GYG1: variants seen among roughly 807,000 people sequenced by gnomAD.
The protein encoded by GYG1 is glycogenin-1.
Under a neutral mutation model 41.9 loss-of-function variants are expected in GYG1, and 44 were observed. That is an observed-to-expected ratio of 1.05 (90% CI 0.83 to 1.35). GYG1 has a LOEUF of 1.35. GYG1 is among the 40% of genes most tolerant of loss of function. The pLI, the probability that GYG1 is intolerant of heterozygous loss-of-function variation, is 0.00. For synonymous variants in GYG1, 141 were observed against 158.1 expected (o/e 0.89, Z 0.81); for missense variants, 429 against 418.9 (o/e 1.02, Z -0.21).
intron 5 of GYG1, among the ~76,000 whole-genome samples, chr3:149,017,215 C>T (rs942804931): frequency 6.6e-6 from 1 of 152,122 alleles, no homozygotes; most frequent in Non-Finnish European, 1.5e-5. Context: ...CTCACATAAG[C>T]AGTATTATTG....
chr3:149,019,891 CG>C (rs1001151566), intron 5 of GYG1, among the ~76,000 whole-genome samples: 91 of 152,338 alleles, frequency 6.0e-4, no homozygotes, highest in Admixed American at 1.2e-3. Flanking sequence ...AGTCGTGTGG[CG>C]GTCCAGAGCC....
At chr3:149,018,063 C>T (rs1392266849) in intron 5 of GYG1, among the ~76,000 whole-genome samples, 1 of 152,120 alleles carries the variant, frequency 6.6e-6, no homozygotes, top group Non-Finnish European at 1.5e-5. Context: ...GAAGTAGTTT[C>T]TCCTTTTACT....
intron 5 of GYG1, among the ~76,000 whole-genome samples, chr3:149,011,352 A>G (rs1470112824): frequency 2.0e-5 from 3 of 152,230 alleles, no homozygotes; most frequent in African/African-American, 7.2e-5. Context: ...GAATTTGTCT[A>G]TAATAGGACA....
At chr3:149,019,449 G>C (rs1234165764) in intron 5 of GYG1, among the ~76,000 whole-genome samples, 1 of 152,102 alleles carries the variant, frequency 6.6e-6, no homozygotes, top group Non-Finnish European at 1.5e-5. Context: ...TGTCTTGCTG[G>C]CACCCAAGGG....
chr3:148,997,308 A>G (rs1294470645), intron 4 of GYG1, among the ~76,000 whole-genome samples: 2 of 152,184 alleles, frequency 1.3e-5, no homozygotes, highest in African/African-American at 2.4e-5. Flanking sequence ...CATTGTCACT[A>G]TGGAAACTTG....
chr3:149,019,428 C>T lies in GYG1; in HGVS notation c.609-4625C>T, dbSNP rs143779384. Among the ~76,000 whole-genome samples the T allele has an allele frequency of 3.5e-3, 530 of 152,308 alleles. 2 individuals are homozygous for T. The highest frequency in any genetic ancestry group is 0.012 in the African/African-American group (513 of 41,568). ...CCTGCTCACCTCTCCCATCTCTCCC[C>T]ACTCACCCCCTGTCTTGCTGGCACC... On this transcript the variant is annotated intron_variant, in intron 5 of 7. Transcript: ENST00000345003.
Position 148,995,748 on chromosome 3 carries a change from T to C in GYG1, c.144-554T>C, listed in dbSNP as rs3772582. Among the ~76,000 whole-genome samples, 66 of 152,362 alleles carry C rather than the reference T, an allele frequency of 4.3e-4. No homozygotes were observed. The East Asian group carries it at 0.012, about 28-fold the overall frequency. On this transcript the variant is annotated intron_variant, in intron 2 of 7. Coordinates refer to ENST00000345003, the MANE Select transcript of GYG1 (RefSeq NM_004130.4). ...ATAAACTTTCAGTATGATACGTTTT[T>C]ACCCGTGCTCAGTTTAGTGTCTTAC...
At chr3:149,011,799 G>A (rs1367626470) in intron 5 of GYG1, among the ~76,000 whole-genome samples, 5 of 152,082 alleles carry the variant, frequency 3.3e-5, no homozygotes, top group South Asian at 2.1e-4. Flanking sequence ...GAAATCCCCC[G>A]GGTTTATTGT....
rs567555713 is a variant in GYG1 at position 149,026,851 on chromosome 3, G to T, written c.971G>T (p.Arg324Leu). The T allele has an allele frequency of 1.9e-6, 3 of 1,613,974 alleles. No individual in the cohort carries two copies. Among genetic ancestry groups the T allele is most frequent in the Admixed American group, 1.7e-5 (1 of 60,016 alleles). ...GTATCCTCGGAAGAACGGAAGGAAC[G>T]ATGGGAACAGGGCCAGGCTGATTAT... ...PFVSSEERKE[R>L]WEQGQADYMG... The change falls in exon 8 of 8, where the codon CGA (arginine) becomes CTA (leucine). Residue 324 changes from arginine to leucine, a missense_variant. Physicochemically the swap from Arg to Leu is moderately radical, Grantham distance 102. Transcript: ENST00000345003.
At chr3:148,995,182 C>G (rs1712715495) in intron 2 of GYG1, among the ~76,000 whole-genome samples, 1 of 152,168 alleles carries the variant, frequency 6.6e-6, no homozygotes, top group Admixed American at 6.5e-5. Flanking sequence ...TGCACTCCAG[C>G]CAGGGCAACA....
At chr3:149,016,260 CAAAAAAAA>C (rs369746026) in intron 5 of GYG1, among the ~76,000 whole-genome samples, 2 of 70,060 alleles carry the variant, frequency 2.9e-5, no homozygotes, top group Non-Finnish European at 5.5e-5. Context: ...GACTCCGTCT[CAAAAAAAA>C]AAAAAAAACA....
chr3:149,009,387 T>G lies in GYG1; in HGVS notation c.593T>G (p.Leu198Arg). 2 of 1,612,626 alleles carry G rather than the reference T, an allele frequency of 1.2e-6. No homozygotes were observed. ...NLSSISIYSY[L>R]PAFKVFGASA... is the part of the protein sequence containing the mutation. ...AGCAGCATCTCTATATACTCCTACC[T>G]CCCGGCATTTAAAGTGTAAGTGCAG... is the stretch of plus-strand genomic sequence containing the variant. The change falls in exon 5 of 8, where the codon CTC becomes CGC. Residue 198 changes from leucine (L) to arginine (R), a missense_variant. Leu to Arg is a moderately radical substitution (Grantham distance 102). Coordinates refer to ENST00000345003, the MANE Select transcript of GYG1 (RefSeq NM_004130.4).
In GYG1 at chr3:149,031,070, CT is replaced by C. The variant is rs1410008421; in HGVS notation, c.*4138del. 6.6e-6 allele frequency: 1 copy of C among 152,024 alleles called. No individual in the cohort carries two copies. Among genetic ancestry groups the C allele is most frequent in the Non-Finnish European group, 1.5e-5 (1 of 68,010 alleles). The allele number at this position is 152,024 out of a possible 1,614,324, so 9.4% of individuals were successfully genotyped here. On this transcript the variant is annotated 3_prime_UTR_variant, in exon 8 of 8. Coordinates refer to ENST00000345003, the MANE Select transcript of GYG1 (RefSeq NM_004130.4). Reference sequence around the variant, plus strand: ...AAATAAAACCACCTACCTAATCTGACTGCTAAATTTCTAGCTTCTTTGTTTT... The same window carrying C: ...AAATAAAACCACCTACCTAATCTGACGCTAAATTTCTAGCTTCTTTGTTTT...
chr3:149,002,329 A>G (rs1359498761), intron 4 of GYG1, among the ~76,000 whole-genome samples: 3 of 152,236 alleles, frequency 2.0e-5, no homozygotes, highest in Non-Finnish European at 4.4e-5. Context: ...TCAGAGTACT[A>G]AGAGTCCAGA....
At chr3:149,012,608 G>A (rs1300486901) in intron 5 of GYG1, among the ~76,000 whole-genome samples, 3 of 152,118 alleles carry the variant, frequency 2.0e-5, no homozygotes, top group Non-Finnish European at 2.9e-5. Context: ...CACATCTAGT[G>A]CCTTTCTCTC....
At chr3:149,017,871 C>T (rs907071499) in intron 5 of GYG1, among the ~76,000 whole-genome samples, 1 of 151,690 alleles carries the variant, frequency 6.6e-6, no homozygotes, top group African/African-American at 2.4e-5. Context: ...CCTCGGCCTC[C>T]CAAAGTGCTA....
intron 5 of GYG1, among the ~76,000 whole-genome samples, chr3:149,023,495 A>T (rs935082535): frequency 1.3e-5 from 2 of 152,224 alleles, no homozygotes; most frequent in Non-Finnish European, 2.9e-5. Flanking sequence ...ATTGTACAGC[A>T]TGAGCATTTT....
intron 5 of GYG1, among the ~76,000 whole-genome samples, chr3:149,013,093 TCCTCCCACTTCAG>T (rs779130975): frequency 4.1e-4 from 62 of 152,032 alleles, no homozygotes; most frequent in Admixed American, 2.0e-3. Flanking sequence ...GTTCAAGTGA[TCCTCCCACTTCAG>T]CCTCCCAAAG....
chr3:149,014,416 G>C (rs951370763), intron 5 of GYG1, among the ~76,000 whole-genome samples: 3 of 152,132 alleles, frequency 2.0e-5, no homozygotes, highest in Non-Finnish European at 2.9e-5. Flanking sequence ...GCAGAAGTCT[G>C]GGGGAGGAAT....
Sources: allele counts gnomAD v4.1 joint callset (sites outside exome capture counted in the v4.1 genomes callset), GRCh38; gene constraint gnomAD v4.1.1; transcripts MANE v1.5; gene names NCBI Gene and HGNC (gene_info 2026-07-23, HGNC 2026-07-21).